The following RAB2B variants were observed in gnomAD, a reference collection of about 807,000 sequenced individuals.
The protein encoded by RAB2B is ras-related protein Rab-2B.
A neutral mutation model predicts 29.8 loss-of-function variants in RAB2B; 20 were observed. That is an observed-to-expected ratio of 0.67 (90% CI 0.47 to 0.97). RAB2B has a LOEUF of 0.97. RAB2B is among the 50% of genes least tolerant of loss of function. The probability of loss-of-function intolerance (pLI) is 0.00; values close to 1 mark genes in which losing one functional copy is unlikely to be tolerated. For missense variants in RAB2B, 218 were observed against 272.0 expected (o/e 0.80, Z 1.40); for synonymous variants, 93 against 91.7 (o/e 1.01, Z -0.08).
chr14:21,474,973 G>C (rs369999664), intron 2 of RAB2B, 39 bp from the exon 3 acceptor site: 4 of 1,569,048 alleles, frequency 2.5e-6, no homozygotes, highest in African/African-American at 1.4e-5. Flanking sequence ...TGATTCTCAC[G>C]AACAGCAGCC....
chr14:21,470,457 C>T (rs953853773), intron 3 of RAB2B, among the ~76,000 whole-genome samples: 8 of 152,066 alleles, frequency 5.3e-5, no homozygotes, highest in Admixed American at 3.9e-4. Flanking sequence ...AGTATACTAA[C>T]TCTAAGGTTA....
chr14:21,474,940 G>C lies in RAB2B; in HGVS notation c.119-6C>G, dbSNP rs779092408. 1 of 1,612,968 alleles carries C rather than the reference G, an allele frequency of 6.2e-7. No individual in the cohort carries two copies. On this transcript the variant is annotated splice_polypyrimidine_tract_variant and splice_region_variant and intron_variant, in intron 2 of 7. Coordinates refer to ENST00000397762, the MANE Select transcript of RAB2B (RefSeq NM_032846.4). ...ACGAGCTCCAAACTCCACACCTGTC[G>C]GTAAAGACCGAGAGAAAGAATGTGA...
chr14:21,476,750 G>A, intron 1 of RAB2B, 77 bp downstream of exon 1: 1 of 1,531,900 alleles, frequency 6.5e-7, no homozygotes, highest in Non-Finnish European at 9.0e-7. Context: ...CCCACAAAGT[G>A]AGCCCCGCCC....
At chr14:21,469,173 A>ATATTGAACAC (rs1890751154) in intron 3 of RAB2B, among the ~76,000 whole-genome samples, 2 of 152,114 alleles carry the variant, frequency 1.3e-5, no homozygotes, top group Non-Finnish European at 2.9e-5. Context: ...CCCAAATATG[A>ATATTGAACAC]TATTGAACAC....
intron 3 of RAB2B, among the ~76,000 whole-genome samples, chr14:21,470,993 C>CAAAAAAAAAAAAAAAAAAA (rs869211285): frequency 1.0e-5 from 1 of 98,792 alleles, no homozygotes; most frequent in African/African-American, 4.3e-5. Context: ...GCTAAAAATA[C>CAAAAAAAAAAAAAAAAAAA]AAAAAAAAAA....
intron 5 of RAB2B, among the ~76,000 whole-genome samples, chr14:21,467,921 C>A (rs1415398479): frequency 6.6e-6 from 1 of 152,106 alleles, no homozygotes; most frequent in African/African-American, 2.4e-5. Flanking sequence ...GGATAAACCT[C>A]GAAGACATTA....
At chr14:21,474,068 G>A (rs1890886422) in intron 3 of RAB2B, among the ~76,000 whole-genome samples, 1 of 152,102 alleles carries the variant, frequency 6.6e-6, no homozygotes, top group South Asian at 2.1e-4. Flanking sequence ...GTGGGTGCCT[G>A]TAATCCCGGC....
At chr14:21,474,177 G>GT (rs1306934305) in intron 3 of RAB2B, among the ~76,000 whole-genome samples, 8 of 152,046 alleles carry the variant, frequency 5.3e-5, no homozygotes, top group Admixed American at 5.2e-4. Flanking sequence ...GGTGACAAGA[G>GT]TGAATCTCTG....
chr14:21,462,310 C>T, intron 7 of RAB2B, 40 bp downstream of exon 7: 1 of 1,580,058 alleles, frequency 6.3e-7, no homozygotes, highest in Non-Finnish European at 8.7e-7. Context: ...GTATTCAGAA[C>T]AAGCCAAAGT....
intron 5 of RAB2B, among the ~76,000 whole-genome samples, chr14:21,464,763 G>A (rs139929638): frequency 6.6e-6 from 1 of 152,330 alleles, no homozygotes; most frequent in Non-Finnish European, 1.5e-5. Context: ...CAGCACTGTG[G>A]GAGGCTGAGG....
At chr14:21,469,994 C>T (rs1413292594) in intron 3 of RAB2B, among the ~76,000 whole-genome samples, 8 of 148,392 alleles carry the variant, frequency 5.4e-5, no homozygotes, top group African/African-American at 1.8e-4. Context: ...CTCTGTTGCC[C>T]GGGCTGGAGT....
chr14:21,476,921 T>C lies in RAB2B; in HGVS notation c.-49A>G. On this transcript the variant is annotated 5_prime_UTR_variant, in exon 1 of 8. Coordinates refer to ENST00000397762, the MANE Select transcript of RAB2B (RefSeq NM_032846.4). ...GGTCCGCCCGACTTCTATAGCCACT[T>C]ACCTCCGACCTCTCTAGCCACTCAA... The C allele has an allele frequency of 6.3e-7, 1 of 1,594,020 alleles. No individual in the cohort carries two copies. The highest frequency in any genetic ancestry group is 8.6e-7 in the Non-Finnish European group (1 of 1,163,736).
In RAB2B at chr14:21,467,699, A is replaced by C. The variant is rs1947004489; in HGVS notation, c.362+658T>G. On this transcript the variant is annotated intron_variant, in intron 5 of 7. Transcript: ENST00000397762. ...AAATAAAAGAATTACCATATGATCCAGCAATCCCACTTCTGGGCATATACC... is the reference window on the plus strand; with the variant it reads ...AAATAAAAGAATTACCATATGATCCCGCAATCCCACTTCTGGGCATATACC... 3.9e-5 allele frequency among the ~76,000 whole-genome samples: 6 copies of C among 152,228 alleles called. No individual in the cohort carries two copies. In the South Asian group the frequency reaches 1.2e-3, roughly 31 times the overall value.
rs1490254830 is a variant in RAB2B at position 21,460,013 on chromosome 14, C to G, written c.*1183G>C. On this transcript the variant is annotated 3_prime_UTR_variant, in exon 8 of 8. Coordinates refer to ENST00000397762, the MANE Select transcript of RAB2B (RefSeq NM_032846.4). ...CACATGTCCCTGACCAACTTCACTG[C>G]TCTTAAAAGTTTTGAAGTTACACTA... 3 of 373,354 alleles carry G rather than the reference C, an allele frequency of 8.0e-6. No individual in the cohort carries two copies. Among genetic ancestry groups the G allele is most frequent in the African/African-American group, 6.3e-5 (3 of 47,330 alleles). The allele number at this position is 373,354 out of a possible 1,614,324, so 23.1% of individuals were successfully genotyped here.
chr14:21,476,777 G>A, intron 1 of RAB2B, 50 bp downstream of exon 1: 1 of 1,609,072 alleles, frequency 6.2e-7, no homozygotes, highest in Non-Finnish European at 8.5e-7. Flanking sequence ...CCCAATTTGG[G>A]AGCTTCGAAT....
intron 4 of RAB2B, 104 bp from the exon 5 acceptor site, chr14:21,468,553 A>T: frequency 1.5e-6 from 2 of 1,311,950 alleles, no homozygotes; most frequent in South Asian, 2.5e-5. Flanking sequence ...GTAAAGAAAA[A>T]TATTAGAGAG....
intron 4 of RAB2B, 99 bp from the exon 5 acceptor site, chr14:21,468,548 G>T (rs1195522741): frequency 3.0e-5 from 38 of 1,276,238 alleles, no homozygotes; most frequent in African/African-American, 6.1e-5. Context: ...TACGTGTAAA[G>T]AAAAATATTA....
chr14:21,468,018 G>A (rs947320924), intron 5 of RAB2B, among the ~76,000 whole-genome samples: 2 of 152,040 alleles, frequency 1.3e-5, no homozygotes, highest in Non-Finnish European at 2.9e-5. Context: ...AATTCATAAA[G>A]TAGAATGATG....
Position 21,460,884 on chromosome 14 carries a change from A to G in RAB2B, c.*312T>C, listed in dbSNP as rs1594405528. On this transcript the variant is annotated 3_prime_UTR_variant, in exon 8 of 8. Transcript: ENST00000397762. ...CACCTTGGCCTCCCAAAGTGCTAGGATTACAGGCATGAGCCATGGCGCCCC... is the reference window on the plus strand; with the variant it reads ...CACCTTGGCCTCCCAAAGTGCTAGGGTTACAGGCATGAGCCATGGCGCCCC... The G allele has an allele frequency of 5.8e-6, 1 of 173,766 alleles. No homozygotes were observed. The highest frequency in any genetic ancestry group is 6.2e-5 in the Admixed American group (1 of 16,218). The allele number at this position is 173,766 out of a possible 1,614,324, so 10.8% of individuals were successfully genotyped here. A position where few individuals can be genotyped will look rare whatever the true frequency, so the allele number is the denominator to read the frequency against.
Sources: allele counts gnomAD v4.1 joint callset (sites outside exome capture counted in the v4.1 genomes callset), GRCh38; gene constraint gnomAD v4.1.1; transcripts MANE v1.5; gene names NCBI Gene and HGNC (gene_info 2026-07-23, HGNC 2026-07-21).